The following NRG3 variants were observed in gnomAD, a reference collection of about 807,000 sequenced individuals.
NRG3 encodes pro-neuregulin-3, membrane-bound isoform.
A neutral mutation model predicts 66.9 loss-of-function variants in NRG3; 31 were observed. The observed-to-expected ratio is 0.46, with a 90% CI of 0.35 to 0.63. NRG3 has a LOEUF of 0.63. Ranked by LOEUF, NRG3 falls within the 20% of genes least tolerant of loss-of-function variation. The pLI is 0.00. For missense variants in NRG3, 910 were observed against 878.9 expected (o/e 1.04, Z -0.45); for synonymous variants, 393 against 359.4 (o/e 1.09, Z -1.06).
intron 1 of NRG3, among the ~76,000 whole-genome samples, chr10:81,901,052 C>T (rs1312796510): frequency 6.6e-6 from 1 of 152,224 alleles, no homozygotes; most frequent in East Asian, 1.9e-4. Context: ...TCCCTACTCT[C>T]TCTCCTTTTC....
At chr10:82,743,757 A>G (rs892581207) in intron 3 of NRG3, among the ~76,000 whole-genome samples, 1 of 152,220 alleles carries the variant, frequency 6.6e-6, no homozygotes, top group Non-Finnish European at 1.5e-5. Context: ...ATGTAGGGCC[A>G]GGAGCCTGGG....
intron 1 of NRG3, among the ~76,000 whole-genome samples, chr10:82,175,854 C>A (rs1409915163): frequency 3.3e-5 from 5 of 152,112 alleles, no homozygotes; most frequent in Non-Finnish European, 1.5e-5. Flanking sequence ...AATATAAATT[C>A]TCTAGTTGAT....
intron 2 of NRG3, among the ~76,000 whole-genome samples, chr10:82,459,835 C>T (rs1381062857): frequency 2.0e-5 from 3 of 152,182 alleles, no homozygotes; most frequent in African/African-American, 7.2e-5. Context: ...TGTTGAGCCC[C>T]CTTGGTTCCA....
At chr10:81,911,429 C>T (rs1845134175) in intron 1 of NRG3, among the ~76,000 whole-genome samples, 1 of 151,934 alleles carries the variant, frequency 6.6e-6, no homozygotes, top group African/African-American at 2.4e-5. Flanking sequence ...AAGCTCTCAT[C>T]TTTCATTAGC....
At chr10:82,685,887 G>A (rs999239542) in intron 2 of NRG3, among the ~76,000 whole-genome samples, 4 of 152,090 alleles carry the variant, frequency 2.6e-5, no homozygotes, top group East Asian at 1.9e-4. Flanking sequence ...CACCAATATC[G>A]TCATCCTCTA....
chr10:82,035,758 C>T (rs1360556540), intron 1 of NRG3, among the ~76,000 whole-genome samples: 1 of 151,986 alleles, frequency 6.6e-6, no homozygotes, highest in Non-Finnish European at 1.5e-5. Context: ...TTTTTCAATA[C>T]TCTGCTTAAG....
At chr10:82,256,969 A>T (rs903737360) in intron 1 of NRG3, among the ~76,000 whole-genome samples, 1 of 152,044 alleles carries the variant, frequency 6.6e-6, no homozygotes, top group Admixed American at 6.6e-5. Flanking sequence ...TGGAATTGCT[A>T]TTTTTCTCAG....
Position 82,357,451 on chromosome 10 carries a change from G to A in NRG3, c.824-1288G>A, listed in dbSNP as rs182360108. 1.8e-4 allele frequency among the ~76,000 whole-genome samples: 27 copies of A among 152,250 alleles called. No homozygotes were observed. The East Asian group carries it at 4.3e-3, about 24-fold the overall frequency. Reference sequence around the variant, plus strand: ...TTTCTATTGCTTTAACTGAATACCCGAAGCTAGGTAATTTATAAAGAAAAT... The same window carrying A: ...TTTCTATTGCTTTAACTGAATACCCAAAGCTAGGTAATTTATAAAGAAAAT... On this transcript the variant is annotated intron_variant, in intron 1 of 8. Coordinates refer to ENST00000372141, the MANE Select transcript of NRG3 (RefSeq NM_001010848.4).
At chr10:82,398,526 T>TGTGTGAGAGAGA (rs373924370) in intron 2 of NRG3, among the ~76,000 whole-genome samples, 1,974 of 136,432 alleles carry the variant, frequency 0.014, 12 homozygotes, top group South Asian at 0.021. Context: ...TGTGTGTGTG[T>TGTGTGAGAGAGA]GAGAGAGAGA....
chr10:81,892,150 C>T (rs1419880746), intron 1 of NRG3, among the ~76,000 whole-genome samples: 1 of 151,982 alleles, frequency 6.6e-6, no homozygotes, highest in Non-Finnish European at 1.5e-5. Flanking sequence ...GAATTCCATC[C>T]CCTTCTTCTG....
At chr10:81,980,819 C>T (rs12262587) in intron 1 of NRG3, among the ~76,000 whole-genome samples, 7,336 of 152,302 alleles carry the variant, frequency 0.048, 598 homozygotes, top group African/African-American at 0.17. Context: ...AGATGGCCAC[C>T]TTCTTGCTGT....
At chr10:82,393,331 C>G (rs1384611449) in intron 2 of NRG3, among the ~76,000 whole-genome samples, 1 of 151,976 alleles carries the variant, frequency 6.6e-6, no homozygotes, top group East Asian at 1.9e-4. Context: ...TTTCAAAGAC[C>G]GAGGAGACAG....
chr10:82,105,871 G>T (rs572838576), intron 1 of NRG3, among the ~76,000 whole-genome samples: 1 of 152,046 alleles, frequency 6.6e-6, no homozygotes, highest in Admixed American at 6.5e-5. Context: ...CAGATATGAC[G>T]CAGTAAAATC....
At chr10:82,959,171 T>G in intron 6 of NRG3, 96 bp downstream of exon 6, 2 of 1,378,450 alleles carry the variant, frequency 1.5e-6, no homozygotes, top group Non-Finnish European at 1.9e-6. Flanking sequence ...TAAATATTTT[T>G]CAGAGCTTTA....
intron 3 of NRG3, among the ~76,000 whole-genome samples, chr10:82,848,761 G>A (rs1026562272): frequency 2.0e-5 from 3 of 152,084 alleles, no homozygotes; most frequent in Non-Finnish European, 2.9e-5. Context: ...ATTGAATCAC[G>A]GGGGTGGGTT....
chr10:82,208,136 C>T (rs939939514), intron 1 of NRG3, among the ~76,000 whole-genome samples: 3 of 151,864 alleles, frequency 2.0e-5, no homozygotes, highest in African/African-American at 7.3e-5. Flanking sequence ...TAAGTCTCAT[C>T]GATATAAATT....
Position 82,017,925 on chromosome 10 carries a change from C to A in NRG3, c.823+141762C>A, listed in dbSNP as rs575398119. Among the ~76,000 whole-genome samples, 208 of 152,240 alleles carry A rather than the reference C, an allele frequency of 1.4e-3. 1 individual carries two copies. The highest frequency in any genetic ancestry group is 3.4e-3 in the Middle Eastern group (1 of 294). On this transcript the variant is annotated intron_variant, in intron 1 of 8. Coordinates refer to ENST00000372141, the MANE Select transcript of NRG3 (RefSeq NM_001010848.4). Reference sequence around the variant, plus strand: ...TCTGATGGCAGTTTCTTTTGCTGTGCAGAAGCTCTTTAGTTTAATTAGATC... The same window carrying A: ...TCTGATGGCAGTTTCTTTTGCTGTGAAGAAGCTCTTTAGTTTAATTAGATC...
chr10:82,001,620 G>A (rs1051935963), intron 1 of NRG3, among the ~76,000 whole-genome samples: 6 of 152,102 alleles, frequency 3.9e-5, no homozygotes, highest in Admixed American at 6.5e-5. Context: ...ACCTTACTAC[G>A]CAAGTGCCCT....
intron 2 of NRG3, among the ~76,000 whole-genome samples, chr10:82,693,398 A>G (rs1204360854): frequency 1.3e-5 from 2 of 152,160 alleles, no homozygotes; most frequent in African/African-American, 2.4e-5. Flanking sequence ...CTGTTTTCCA[A>G]CAATACTAGA....
Sources: allele counts gnomAD v4.1 joint callset (sites outside exome capture counted in the v4.1 genomes callset), GRCh38; gene constraint gnomAD v4.1.1; transcripts MANE v1.5; gene names NCBI Gene and HGNC (gene_info 2026-07-23, HGNC 2026-07-21).